The following ANKS1B variants were observed in gnomAD, a reference collection of about 807,000 sequenced individuals.
ANKS1B encodes the protein ankyrin repeat and sterile alpha motif domain containing 1B, also known as ankyrin repeat and sterile alpha motif domain-containing protein 1B.
Under a neutral mutation model 148.3 loss-of-function variants are expected in ANKS1B, and 36 were observed. The observed-to-expected ratio is 0.24, with a 90% CI of 0.19 to 0.32. The LOEUF is 0.32. Ranked by LOEUF, ANKS1B falls within the 10% of genes least tolerant of loss-of-function variation. The probability of loss-of-function intolerance (pLI) is 1.00; values close to 1 mark genes in which losing one functional copy is unlikely to be tolerated. For synonymous variants in ANKS1B, 542 were observed against 560.8 expected (o/e 0.97, Z 0.47); for missense variants, 1,157 against 1,542.6 (o/e 0.75, Z 4.19).
intron 1 of ANKS1B, among the ~76,000 whole-genome samples, chr12:99,853,294 A>G (rs2088306191): frequency 6.6e-6 from 1 of 152,112 alleles, no homozygotes; most frequent in African/African-American, 2.4e-5. Context: ...AAACCAGGGC[A>G]CTTAAAAATA....
chr12:99,717,195 T>C (rs2057441478), intron 8 of ANKS1B, among the ~76,000 whole-genome samples: 1 of 152,172 alleles, frequency 6.6e-6, no homozygotes, highest in Admixed American at 6.5e-5. Flanking sequence ...TACATCTTAT[T>C]ACCCAATCTG....
chr12:98,993,366 G>T (rs1021174297), intron 17 of ANKS1B, among the ~76,000 whole-genome samples: 5 of 151,994 alleles, frequency 3.3e-5, no homozygotes, highest in Non-Finnish European at 5.9e-5. Flanking sequence ...ATGGGGTTTC[G>T]CTATGTTGGC....
intron 17 of ANKS1B, among the ~76,000 whole-genome samples, chr12:99,008,487 C>T (rs538298872): frequency 3.8e-4 from 58 of 152,250 alleles, no homozygotes; most frequent in African/African-American, 1.3e-3. Flanking sequence ...GGTTGTATTA[C>T]CACCTGCTCC....
At chr12:99,000,967 CTGTG>C (rs377515057) in intron 17 of ANKS1B, among the ~76,000 whole-genome samples, 107 of 150,066 alleles carry the variant, frequency 7.1e-4, no homozygotes, top group Middle Eastern at 3.4e-3. Flanking sequence ...TAATATTCCG[CTGTG>C]TGTGTGTGTG....
At chr12:99,585,589 C>A (rs2097626752) in intron 9 of ANKS1B, among the ~76,000 whole-genome samples, 1 of 152,198 alleles carries the variant, frequency 6.6e-6, no homozygotes. Context: ...TTCCCCTCCA[C>A]ACTGCCCTAG....
intron 8 of ANKS1B, among the ~76,000 whole-genome samples, chr12:99,690,296 A>G (rs1488819137): frequency 6.6e-6 from 1 of 152,000 alleles, no homozygotes; most frequent in Non-Finnish European, 1.5e-5. Flanking sequence ...ATATCATTCC[A>G]CCCCTGGCCC....
At chr12:99,280,918 C>T (rs555607451) in intron 12 of ANKS1B, among the ~76,000 whole-genome samples, 9 of 151,634 alleles carry the variant, frequency 5.9e-5, no homozygotes, top group Non-Finnish European at 1.0e-4. Flanking sequence ...CACACACACA[C>T]GTGCGCACAT....
chr12:99,165,989 A>G (rs1566532578), intron 14 of ANKS1B, among the ~76,000 whole-genome samples: 1 of 151,896 alleles, frequency 6.6e-6, no homozygotes, highest in Non-Finnish European at 1.5e-5. Context: ...AGAATCAATT[A>G]ATGTGATTCA....
At chr12:98,907,741 G>T (rs897164877) in intron 17 of ANKS1B, among the ~76,000 whole-genome samples, 1 of 152,108 alleles carries the variant, frequency 6.6e-6, no homozygotes, top group Non-Finnish European at 1.5e-5. Flanking sequence ...TAATTCCCAC[G>T]TGCTGTGGGA....
chr12:99,406,387 C>T (rs953753565), intron 11 of ANKS1B, among the ~76,000 whole-genome samples: 1 of 145,610 alleles, frequency 6.9e-6, no homozygotes, highest in Non-Finnish European at 1.5e-5. Flanking sequence ...GGAAACTATA[C>T]AAACACGTGA....
intron 17 of ANKS1B, among the ~76,000 whole-genome samples, chr12:98,839,176 G>A (rs997209513): frequency 5.9e-5 from 9 of 152,158 alleles, no homozygotes; most frequent in Non-Finnish European, 1.2e-4. Context: ...TCTTTGAGTT[G>A]TAATATAAAG....
intron 1 of ANKS1B, among the ~76,000 whole-genome samples, chr12:99,847,368 A>G (rs2086851246): frequency 6.6e-6 from 1 of 152,180 alleles, no homozygotes; most frequent in African/African-American, 2.4e-5. Context: ...AAGGCAAGTC[A>G]TATAAACTAG....
chr12:99,326,280 T>A (rs1293773437), intron 12 of ANKS1B, among the ~76,000 whole-genome samples: 1 of 152,084 alleles, frequency 6.6e-6, no homozygotes, highest in East Asian at 1.9e-4. Context: ...CCTTGTTGAC[T>A]TTCTGGAGGG....
chr12:99,893,335 C>A (rs2093216800), intron 1 of ANKS1B, among the ~76,000 whole-genome samples: 1 of 150,478 alleles, frequency 6.6e-6, no homozygotes, highest in African/African-American at 2.4e-5. Flanking sequence ...GGCATGAACC[C>A]AGGAGGCAGA....
At chr12:99,104,342 G>T in intron 15 of ANKS1B, among the ~76,000 whole-genome samples, 1 of 152,160 alleles carries the variant, frequency 6.6e-6, no homozygotes, top group Non-Finnish European at 1.5e-5. Context: ...CTTTTTAAAA[G>T]ACATTAAATG....
At chr12:99,822,167 C>T (rs909907156) in intron 2 of ANKS1B, among the ~76,000 whole-genome samples, 1 of 151,970 alleles carries the variant, frequency 6.6e-6, no homozygotes, top group Non-Finnish European at 1.5e-5. Context: ...AAATGTCTTG[C>T]ATTAAGAGCT....
chr12:99,214,627 T>C (rs1324616112), intron 14 of ANKS1B, among the ~76,000 whole-genome samples: 2 of 152,212 alleles, frequency 1.3e-5, no homozygotes, highest in East Asian at 1.9e-4. Context: ...TCTTTTGCTT[T>C]ATAAATTACC....
chr12:99,087,926 C>G (rs962319532), intron 15 of ANKS1B, among the ~76,000 whole-genome samples: 2 of 84,574 alleles, frequency 2.4e-5, no homozygotes, highest in African/African-American at 8.7e-5. Flanking sequence ...ATGCTATTTT[C>G]TGTATCTCAG....
At chr12:99,639,847 T>A (rs1421388503) in intron 9 of ANKS1B, among the ~76,000 whole-genome samples, 1 of 152,080 alleles carries the variant, frequency 6.6e-6, no homozygotes, top group East Asian at 1.9e-4. Flanking sequence ...CATAGCAGAG[T>A]GATAACTTAC....
Sources: gnomAD v4.1 joint callset for allele counts (sites outside exome capture counted in the v4.1 genomes callset) on GRCh38, gnomAD v4.1.1 for gene constraint, MANE v1.5 for transcripts, NCBI Gene and HGNC (gene_info 2026-07-23, HGNC 2026-07-21) for gene names.